Variants in ADAMTSL1 observed in about 807,000 individuals in gnomAD.
ADAMTSL1 encodes ADAMTS-like protein 1.
In ADAMTSL1, 126 loss-of-function variants were observed where a neutral mutation model predicts 201.8. The ratio of observed to expected loss-of-function variants is 0.62; its 90% CI spans 0.54 to 0.72. The LOEUF is 0.72. Among genes scored for constraint, ADAMTSL1 ranks in the 30% least tolerant of loss-of-function variants. ADAMTSL1 has a pLI of 0.00. For synonymous variants in ADAMTSL1, 1,121 were observed against 903.4 expected (o/e 1.24, Z -4.32); for missense variants, 2,679 against 2,277.8 (o/e 1.18, Z -3.59).
At chr9:18,656,643 AAAG>A (rs1486867704) in intron 7 of ADAMTSL1, among the ~76,000 whole-genome samples, 4 of 151,790 alleles carry the variant, frequency 2.6e-5, no homozygotes, top group South Asian at 2.1e-4. Flanking sequence ...AAAAAAAAAA[AAAG>A]AAAATGTTAA....
intron 25 of ADAMTSL1, 117 bp from the exon 26 acceptor site, chr9:18,892,272 T>TA: frequency 1.0e-6 from 1 of 981,232 alleles, no homozygotes. Context: ...GTAAATACTG[T>TA]AAAAAGGGCC....
chr9:18,615,902 G>A (rs1199377461), intron 4 of ADAMTSL1, among the ~76,000 whole-genome samples: 1 of 152,188 alleles, frequency 6.6e-6, no homozygotes, highest in Admixed American at 6.5e-5. Context: ...GTCCTGGTAG[G>A]AGGTATAGCT....
intron 2 of ADAMTSL1, among the ~76,000 whole-genome samples, chr9:18,527,373 A>G (rs775090052): frequency 6.6e-6 from 1 of 152,186 alleles, no homozygotes; most frequent in Admixed American, 6.5e-5. Flanking sequence ...TCTTGAAACA[A>G]TGTATTGACA....
intron 2 of ADAMTSL1, among the ~76,000 whole-genome samples, chr9:18,364,977 C>T (rs188194825): frequency 2.0e-5 from 3 of 152,286 alleles, no homozygotes; most frequent in African/African-American, 7.2e-5. Context: ...CCACCTCCAA[C>T]ACCGGGGATT....
chr9:17,965,786 C>A (rs1238175491), intron 1 of ADAMTSL1, among the ~76,000 whole-genome samples: 2 of 152,142 alleles, frequency 1.3e-5, no homozygotes, highest in African/African-American at 4.8e-5. Flanking sequence ...GACTGTTTCT[C>A]CAGGTTATGA....
intron 3 of ADAMTSL1, among the ~76,000 whole-genome samples, chr9:18,556,419 T>G (rs1267168831): frequency 6.6e-6 from 1 of 151,984 alleles, no homozygotes; most frequent in Non-Finnish European, 1.5e-5. Flanking sequence ...ATCATGCAAA[T>G]CTTACTCTAG....
chr9:18,745,712 A>G (rs565818423), intron 15 of ADAMTSL1, among the ~76,000 whole-genome samples: 1 of 152,304 alleles, frequency 6.6e-6, no homozygotes, highest in South Asian at 2.1e-4. Context: ...GTGTCTATCC[A>G]TCTATTAAAA....
chr9:18,661,301 A>G (rs1829076340), intron 8 of ADAMTSL1, among the ~76,000 whole-genome samples: 2 of 152,198 alleles, frequency 1.3e-5, no homozygotes, highest in African/African-American at 4.8e-5. Context: ...AATATAACAA[A>G]AATGGAACAG....
intron 20 of ADAMTSL1, among the ~76,000 whole-genome samples, 168 bp from the exon 21 acceptor site, chr9:18,816,941 G>A (rs779043046): frequency 8.6e-5 from 13 of 152,008 alleles, no homozygotes; most frequent in African/African-American, 1.4e-4. Context: ...AGGTAGGTAG[G>A]TAGATGCTTT....
intron 7 of ADAMTSL1, among the ~76,000 whole-genome samples, chr9:18,647,330 A>G (rs1248236343): frequency 3.3e-5 from 5 of 150,650 alleles, no homozygotes; most frequent in Admixed American, 2.0e-4. Flanking sequence ...GATCCTTTCA[A>G]AAAACCAGCT....
intron 1 of ADAMTSL1, among the ~76,000 whole-genome samples, chr9:17,937,639 AAATT>A (rs1341355658): frequency 6.3e-3 from 17 of 2,712 alleles, no homozygotes; most frequent in African/African-American, 9.7e-3. Flanking sequence ...TTGTTGATTT[AAATT>A]CCTTAAATAC....
chr9:18,847,488 A>C (rs1826200584), intron 23 of ADAMTSL1, among the ~76,000 whole-genome samples: 1 of 152,256 alleles, frequency 6.6e-6, no homozygotes, highest in Non-Finnish European at 1.5e-5. Flanking sequence ...ATATGGTAGA[A>C]GTAATAAGTG....
chr9:18,126,745 T>C (rs1825746616), intron 1 of ADAMTSL1, among the ~76,000 whole-genome samples: 1 of 152,228 alleles, frequency 6.6e-6, no homozygotes. Context: ...GTAAATCTAG[T>C]ATTGAATAGT....
intron 20 of ADAMTSL1, among the ~76,000 whole-genome samples, chr9:18,808,021 T>C (rs1001355792): frequency 1.3e-5 from 2 of 152,214 alleles, no homozygotes; most frequent in East Asian, 1.9e-4. Flanking sequence ...AGTAGGCTTA[T>C]GTTGATTTTT....
At chr9:18,032,219 C>G (rs150323015) in intron 1 of ADAMTSL1, among the ~76,000 whole-genome samples, 469 of 152,304 alleles carry the variant, frequency 3.1e-3, no homozygotes, top group African/African-American at 0.01. Context: ...CACTGGCACA[C>G]AAACCAGCAC....
In ADAMTSL1 at chr9:18,272,569, C is replaced by T. The variant is rs530288223; in HGVS notation, c.207+108588C>T. 1.9e-4 allele frequency among the ~76,000 whole-genome samples: 29 copies of T among 152,292 alleles called. No individual in the cohort carries two copies. In the South Asian group the frequency reaches 4.6e-3, roughly 24 times the overall value. ...TGGGCAATGAAATCAGATCTTTTTCCTATTCTCTGTTTTTGTTGAAATTTT... is the reference window on the plus strand; with the variant it reads ...TGGGCAATGAAATCAGATCTTTTTCTTATTCTCTGTTTTTGTTGAAATTTT... On this transcript the variant is annotated intron_variant, in intron 2 of 29. Coordinates refer to the ADAMTSL1 transcript ENST00000680146.
intron 7 of ADAMTSL1, among the ~76,000 whole-genome samples, chr9:18,656,627 G>T (rs1368589439): frequency 1.2e-4 from 6 of 50,132 alleles, no homozygotes; most frequent in African/African-American, 3.0e-4. Context: ...AGACTCCATC[G>T]CAAAAAAAAA....
At chr9:18,668,855 G>A (rs936528985) in intron 9 of ADAMTSL1, among the ~76,000 whole-genome samples, 5 of 152,246 alleles carry the variant, frequency 3.3e-5, no homozygotes, top group South Asian at 2.1e-4. Flanking sequence ...CTAGGTTAGC[G>A]GGCTGGGGGT....
At chr9:18,031,862 T>C (rs1347633980) in intron 1 of ADAMTSL1, among the ~76,000 whole-genome samples, 1 of 152,136 alleles carries the variant, frequency 6.6e-6, no homozygotes, top group Non-Finnish European at 1.5e-5. Flanking sequence ...CTGTGGGATA[T>C]GTCTGTGAGT....
Sources: allele counts gnomAD v4.1 joint callset (sites outside exome capture counted in the v4.1 genomes callset), GRCh38; gene constraint gnomAD v4.1.1; transcripts MANE v1.5; gene names NCBI Gene and HGNC (gene_info 2026-07-23, HGNC 2026-07-21).